Variants in CHMP3 observed in about 807,000 individuals in gnomAD.
CHMP3 encodes 25.1 protein.
CHMP3 carries 8 observed loss-of-function variants against 27.4 expected under a neutral mutation model. That is an observed-to-expected ratio of 0.29 (90% CI 0.17 to 0.53). CHMP3 has a LOEUF of 0.53. CHMP3 is among the 20% of genes least tolerant of loss of function. CHMP3 has a pLI of 0.96. For synonymous variants in CHMP3, 86 were observed against 85.5 expected (o/e 1.01, Z -0.03); for missense variants, 208 against 271.5 (o/e 0.77, Z 1.64).
At chr2:86,547,153 T>A (rs1160656606) in intron 1 of CHMP3, among the ~76,000 whole-genome samples, 1 of 152,154 alleles carries the variant, frequency 6.6e-6, no homozygotes, top group Admixed American at 6.5e-5. Context: ...ATACTTATGA[T>A]TACTTACAAA....
At chr2:86,510,012 TCTGC>T (rs1338817871) in intron 4 of CHMP3, among the ~76,000 whole-genome samples, 1 of 152,230 alleles carries the variant, frequency 6.6e-6, no homozygotes, top group Non-Finnish European at 1.5e-5. Flanking sequence ...AAATACGGTC[TCTGC>T]CTGTTTTTGT....
At chr2:86,545,012 G>T (rs1376870388) in intron 1 of CHMP3, among the ~76,000 whole-genome samples, 4 of 109,840 alleles carry the variant, frequency 3.6e-5, no homozygotes, top group Non-Finnish European at 5.9e-5. Context: ...GGGCAGAGGC[G>T]CTCCTCACCT....
intron 1 of CHMP3, among the ~76,000 whole-genome samples, chr2:86,557,094 A>G (rs1283646515): frequency 6.6e-6 from 1 of 152,086 alleles, no homozygotes; most frequent in Non-Finnish European, 1.5e-5. Context: ...CCCTGTGTCT[A>G]TCTTCTCTCA....
chr2:86,521,949 A>C (rs1362914971), intron 3 of CHMP3, among the ~76,000 whole-genome samples: 1 of 152,138 alleles, frequency 6.6e-6, no homozygotes, highest in East Asian at 1.9e-4. Context: ...GGTATATCTC[A>C]AAAGTGGAAT....
At chr2:86,561,605 T>C (rs575236806) in intron 1 of CHMP3, 1 of 152,254 alleles carries the variant, frequency 6.6e-6, no homozygotes, top group East Asian at 1.9e-4. Context: ...GAAAAACAAC[T>C]AAAATTTTTT....
intron 3 of CHMP3, chr2:86,512,656 C>T (rs1675147972): frequency 6.6e-6 from 1 of 152,082 alleles, no homozygotes; most frequent in Non-Finnish European, 1.5e-5. Flanking sequence ...CCACAACATA[C>T]AAAAAACTCG....
At chr2:86,561,162 G>C (rs1558665709) in intron 1 of CHMP3, among the ~76,000 whole-genome samples, 1 of 152,118 alleles carries the variant, frequency 6.6e-6, no homozygotes, top group Non-Finnish European at 1.5e-5. Context: ...ATCCCTCTTT[G>C]GGAGGTAGTA....
At chr2:86,520,928 C>A (rs1675497093) in intron 3 of CHMP3, among the ~76,000 whole-genome samples, 1 of 152,256 alleles carries the variant, frequency 6.6e-6, no homozygotes, top group Admixed American at 6.5e-5. Context: ...AACTGAAGAA[C>A]CACAAAAGAA....
At chr2:86,529,197 G>GT in intron 3 of CHMP3, 21 bp downstream of exon 3, 13 of 1,572,948 alleles carry the variant, frequency 8.3e-6, no homozygotes, top group Non-Finnish European at 1.0e-5. Flanking sequence ...TGAGGTGACT[G>GT]TAAGGTAAGT....
At chr2:86,536,461 T>A (rs1178731197) in intron 2 of CHMP3, among the ~76,000 whole-genome samples, 1 of 152,234 alleles carries the variant, frequency 6.6e-6, no homozygotes, top group Non-Finnish European at 1.5e-5. Context: ...GGCTTTTGTT[T>A]ATCTGACAGT....
chr2:86,559,108 AAAG>A lies in CHMP3; in HGVS notation c.45+4193_45+4195del, dbSNP rs1384209122. Among the ~76,000 whole-genome samples, 18 of 152,322 alleles carry A rather than the reference AAAG, an allele frequency of 1.2e-4. No homozygotes were observed. In the East Asian group the frequency reaches 3.3e-3, roughly 28 times the overall value. On this transcript the variant is annotated intron_variant, in intron 1 of 5. Transcript: ENST00000263856. ...AGATTGGCATTTCAATCAGTGAACT[AAAG>A]AAGATCAGCCCCCACCCAATGTAAG... is the stretch of plus-strand genomic sequence containing the variant.
At chr2:86,529,072 T>G in intron 3 of CHMP3, 146 bp downstream of exon 3, 1 of 777,100 alleles carries the variant, frequency 1.3e-6, no homozygotes, top group Non-Finnish European at 1.9e-6. Flanking sequence ...ACAACATTAT[T>G]ATATTTTGCA....
intron 1 of CHMP3, among the ~76,000 whole-genome samples, chr2:86,546,438 CTTTT>C (rs201399690): frequency 0.058 from 7,853 of 136,000 alleles, 327 homozygotes; most frequent in East Asian, 0.14. Context: ...TGAAGTTGGA[CTTTT>C]TTTTTTTTTT....
At chr2:86,531,708 T>C (rs181415576) in intron 2 of CHMP3, among the ~76,000 whole-genome samples, 122 of 152,328 alleles carry the variant, frequency 8.0e-4, no homozygotes, top group African/African-American at 2.4e-3. Flanking sequence ...CCCAGCACCA[T>C]TTGCTGAAAA....
intron 5 of CHMP3, 125 bp downstream of exon 5, chr2:86,507,354 C>T (rs1055023696): frequency 1.5e-5 from 11 of 735,824 alleles, no homozygotes; most frequent in Non-Finnish European, 2.3e-5. Context: ...ATAAGCTGCA[C>T]AGTGTAAAAC....
chr2:86,527,719 G>C (rs1675770673), intron 3 of CHMP3, among the ~76,000 whole-genome samples: 1 of 152,152 alleles, frequency 6.6e-6, no homozygotes, highest in Non-Finnish European at 1.5e-5. Context: ...CCAGCACTTT[G>C]CAGAGCCGAG....
intron 1 of CHMP3, among the ~76,000 whole-genome samples, chr2:86,555,792 A>G (rs1010999144): frequency 1.3e-5 from 2 of 152,160 alleles, no homozygotes; most frequent in Non-Finnish European, 2.9e-5. Context: ...AATCCCTCTT[A>G]TAAGGATACA....
chr2:86,508,937 T>C (rs947425676), intron 4 of CHMP3, among the ~76,000 whole-genome samples: 1 of 152,210 alleles, frequency 6.6e-6, no homozygotes, highest in African/African-American at 2.4e-5. Flanking sequence ...AGAATCCTAA[T>C]TGTAATAGCC....
At chr2:86,536,886 T>C (rs1661848208) in intron 2 of CHMP3, among the ~76,000 whole-genome samples, 1 of 152,196 alleles carries the variant, frequency 6.6e-6, no homozygotes, top group Non-Finnish European at 1.5e-5. Flanking sequence ...TCTGCCCATT[T>C]TTTTTTCTTT....
Sources: allele counts gnomAD v4.1 joint callset (sites outside exome capture counted in the v4.1 genomes callset), GRCh38; gene constraint gnomAD v4.1.1; transcripts MANE v1.5; gene names NCBI Gene and HGNC (gene_info 2026-07-23, HGNC 2026-07-21).